Variants in VXN observed in about 807,000 individuals in gnomAD.
The protein encoded by VXN is uncharacterized protein C8orf46.
A neutral mutation model predicts 23.1 loss-of-function variants in VXN; 7 were observed. The observed-to-expected ratio is 0.30, with a 90% confidence interval of 0.17 to 0.57. The LOEUF is 0.57. Among genes scored for constraint, VXN ranks in the 20% least tolerant of loss-of-function variants. VXN has a pLI of 0.91. For missense variants in VXN, 238 were observed against 272.6 expected (o/e 0.87, Z 0.89); for synonymous variants, 120 against 105.8 (o/e 1.13, Z -0.83).
chr8:66,513,872 G>C (rs796637625), intron 5 of VXN: 3 of 481,252 alleles, frequency 6.2e-6, no homozygotes, highest in Non-Finnish European at 1.1e-5. Flanking sequence ...CTTCATTAAC[G>C]CCACTCTTTA....
intron 5 of VXN, chr8:66,514,292 A>G (rs1171778776): frequency 6.6e-6 from 1 of 152,246 alleles, no homozygotes; most frequent in Non-Finnish European, 1.5e-5. Flanking sequence ...TCTGCTTTCT[A>G]GCCTGGAACT....
At chr8:66,499,486 G>A (rs1433249873) in intron 2 of VXN, among the ~76,000 whole-genome samples, 1 of 151,996 alleles carries the variant, frequency 6.6e-6, no homozygotes, top group African/African-American at 2.4e-5. Context: ...ACCTGCCTCT[G>A]CCTCCTCCCA....
chr8:66,513,583 C>T lies in VXN; in HGVS notation c.386C>T (p.Ala129Val). The T allele has an allele frequency of 1.9e-6, 3 of 1,614,160 alleles. No individual in the cohort carries two copies. The highest frequency in any genetic ancestry group is 2.5e-6 in the Non-Finnish European group (3 of 1,180,018). The change falls in exon 5 of 6, where the codon GCC becomes GTC. Residue 129 changes from alanine (A) to valine (V), a missense_variant. This residue lies in a region of VXN where 223 missense variants were observed against 236.9 expected (regional missense o/e 0.94). Coordinates refer to ENST00000305454, the MANE Select transcript of VXN (RefSeq NM_152765.4). The stretch of plus-strand genomic sequence containing the variant: ...ATCTCAGTGAAAACTTCAGCCTCTG[C>T]CTCATTGGAGGCGACAGCCATGGGC... ...PRISVKTSASASLEATAMGTE... is the reference protein window; with the variant it reads ...PRISVKTSASVSLEATAMGTE...
intron 5 of VXN, chr8:66,513,853 T>C (rs561105710): frequency 3.6e-4 from 184 of 508,744 alleles, no homozygotes; most frequent in African/African-American, 3.3e-3. Context: ...GGGTTTTTCA[T>C]GGTTTCCACT....
intron 2 of VXN, among the ~76,000 whole-genome samples, chr8:66,499,288 AGTGGC>A (rs1807663155): frequency 7.3e-6 from 1 of 137,652 alleles, no homozygotes; most frequent in African/African-American, 2.8e-5. Context: ...ACTGGAGTGC[AGTGGC>A]GTGGTCTCGG....
intron 4 of VXN, among the ~76,000 whole-genome samples, chr8:66,512,311 G>A (rs930957461): frequency 3.9e-5 from 6 of 152,178 alleles, no homozygotes. Context: ...GGGGGTGCAA[G>A]TGTTCACCGG....
Position 66,516,071 on chromosome 8 carries a change from G to A in VXN, c.619G>A (p.Asp207Asn), listed in dbSNP as rs758750642. 7.5e-6 allele frequency: 12 copies of A among 1,604,376 alleles called. No individual in the cohort carries two copies. Among genetic ancestry groups the A allele is most frequent in the South Asian group, 3.3e-5 (3 of 90,208 alleles). ...VGATNSAFEA[D>N] ...AGCCACCAACAGCGCCTTTGAGGCC[G>A]ACTAAAGGTGACCCTCTTCAAGTGC... The change falls in exon 6 of 6, where the codon GAC (aspartate) becomes AAC (asparagine). Residue 207 changes from aspartate to asparagine, a missense_variant. Physicochemically the swap from Asp to Asn is conservative, Grantham distance 23. Around this residue, in one of 2 missense-constraint regions of VXN, gnomAD observed 223 missense variants for 236.9 expected, o/e 0.94. Coordinates refer to ENST00000305454, the MANE Select transcript of VXN (RefSeq NM_152765.4).
Position 66,515,897 on chromosome 8 carries a change from AG to A in VXN, c.446del (p.Arg149AsnfsTer6). 1 of 1,593,024 alleles carries A rather than the reference AG, an allele frequency of 6.3e-7. No homozygotes were observed. Among genetic ancestry groups the A allele is most frequent in the Non-Finnish European group, 8.5e-7 (1 of 1,170,372 alleles). On this transcript the variant is annotated frameshift_variant, in exon 6 of 6. Transcript: ENST00000305454. LOFTEE classifies it high-confidence loss of function. Reference protein sequence around the residue: ...EKGAVLMRGSRHLKKMTEEYP... With the variant: ...EKGAVLMRGSXHLKKMTEEYP... ...CCACTCCTGGCTTTTCTTTAGATCCAGACATCTCAAGAAGATGACTGAAGAG... is the reference window on the plus strand; with the variant it reads ...CCACTCCTGGCTTTTCTTTAGATCCAACATCTCAAGAAGATGACTGAAGAG...
Position 66,505,495 on chromosome 8 carries a change from A to G in VXN, c.247A>G (p.Thr83Ala), listed in dbSNP as rs1161891537. Residue 83 changes from threonine (T) to alanine (A), a missense_variant, in exon 3 of 6, where the codon ACA (threonine) becomes GCA (alanine). By Grantham distance (58) the Thr-to-Ala change is moderately conservative (BLOSUM62 0). Transcript: ENST00000305454. ...FGRLQTARPPTAHPAKASARP... is the reference protein window; with the variant it reads ...FGRLQTARPPAAHPAKASARP... ...GCGGCTCCAGACCGCGCGGCCGCCC[A>G]CAGCCCACCCGGCCAAAGCCTCTGC... The G allele has an allele frequency of 2.0e-5, 31 of 1,557,186 alleles. No homozygotes were observed. The highest frequency in any genetic ancestry group is 2.6e-5 in the Non-Finnish European group (30 of 1,153,678).
intron 3 of VXN, among the ~76,000 whole-genome samples, chr8:66,506,545 T>A (rs1184707191): frequency 6.6e-6 from 1 of 152,088 alleles, no homozygotes; most frequent in African/African-American, 2.4e-5. Context: ...AACCTAAAGT[T>A]ATTCATATTT....
chr8:66,497,406 G>A (rs1807638731), intron 2 of VXN, among the ~76,000 whole-genome samples: 2 of 152,156 alleles, frequency 1.3e-5, no homozygotes, highest in Admixed American at 1.3e-4. Context: ...TGAACAATTT[G>A]GGGGCTTCCA....
rs751448023 is a variant in VXN at position 66,510,103 on chromosome 8, T to G, written c.288T>G (p.Ile96Met). ...CTCTGTTCAACATTGCAGTGGGGATTTCTGAACCCAAAACATCAAATCTGT... is the reference window on the plus strand; with the variant it reads ...CTCTGTTCAACATTGCAGTGGGGATGTCTGAACCCAAAACATCAAATCTGT... The part of the protein sequence containing the change: ...PAKASARPVG[I>M]SEPKTSNLCG... Residue 96 changes from isoleucine (I) to methionine (M), a missense_variant, in exon 4 of 6, where the codon ATT becomes ATG. By Grantham distance (10) the Ile-to-Met change is conservative. Around this residue, in one of 2 missense-constraint regions of VXN, gnomAD observed 223 missense variants for 236.9 expected, o/e 0.94. Coordinates refer to ENST00000305454, the MANE Select transcript of VXN (RefSeq NM_152765.4). 186 of 1,613,846 alleles carry G rather than the reference T, an allele frequency of 1.2e-4. No homozygotes were observed. The highest frequency in any genetic ancestry group is 1.5e-4 in the Non-Finnish European group (178 of 1,179,896).
At chr8:66,504,083 A>G (rs1453800172) in intron 2 of VXN, among the ~76,000 whole-genome samples, 1 of 151,802 alleles carries the variant, frequency 6.6e-6, no homozygotes, top group Non-Finnish European at 1.5e-5. Flanking sequence ...TCCTACATCC[A>G]TCTGGCTGCT....
At chr8:66,496,376 T>C (rs983614257) in intron 1 of VXN, 61 bp from the exon 2 acceptor site, 3 of 1,495,802 alleles carry the variant, frequency 2.0e-6, no homozygotes, top group African/African-American at 2.8e-5. Context: ...GTGTTGTTAC[T>C]GTAGCTATGT....
chr8:66,505,533 G>A lies in VXN; in HGVS notation c.280+5G>A, dbSNP rs371633395. ...CCAAAGCCTCTGCCAGACCCGGTAC[G>A]TGAGTCCCGGCCCCAGCTCCCCGCA... On this transcript the variant is annotated splice_donor_5th_base_variant and intron_variant, in intron 3 of 5. Transcript: ENST00000305454. The A allele has an allele frequency of 3.1e-5, 46 of 1,491,058 alleles. No individual in the cohort carries two copies. Among genetic ancestry groups the A allele is most frequent in the Non-Finnish European group, 3.7e-5 (42 of 1,124,562 alleles). 92.4% of individuals were successfully genotyped at this position (1,491,058 alleles called of 1,614,324 possible). A position where few individuals can be genotyped will look rare whatever the true frequency, so the allele number is the denominator to read the frequency against.
rs146026318 is a variant in VXN, at chr8:66,502,391, C to T, written c.127-2984C>T. The stretch of plus-strand genomic sequence containing the variant: ...GATGGATAAATGAGATTGCAAAGGT[C>T]ACATTCTTCTCAGATTTCAAGCTTG... On this transcript the variant is annotated intron_variant, in intron 2 of 5. Transcript: ENST00000305454. 1.3e-4 allele frequency among the ~76,000 whole-genome samples: 20 copies of T among 152,296 alleles called. No individual in the cohort carries two copies. In the East Asian group the frequency reaches 3.9e-3, roughly 29 times the overall value.
chr8:66,501,449 A>G (rs901648995), intron 2 of VXN: 12 of 152,170 alleles, frequency 7.9e-5, no homozygotes, highest in Non-Finnish European at 1.3e-4. Context: ...TAGAAGGAAA[A>G]TGCTCCCAAC....
At chr8:66,498,666 G>A (rs765250132) in intron 2 of VXN, among the ~76,000 whole-genome samples, 82 of 152,304 alleles carry the variant, frequency 5.4e-4, no homozygotes, top group Middle Eastern at 6.8e-3. Context: ...CGACTAACAG[G>A]TGGGGGTTGT....
At chr8:66,509,143 T>C (rs973355819) in intron 3 of VXN, among the ~76,000 whole-genome samples, 6 of 152,244 alleles carry the variant, frequency 3.9e-5, no homozygotes, top group African/African-American at 1.4e-4. Flanking sequence ...TAGTTTAATC[T>C]TGGTAGTCTT....
Sources: allele counts gnomAD v4.1 joint callset (sites outside exome capture counted in the v4.1 genomes callset), GRCh38; gene constraint gnomAD v4.1.1; regional missense constraint gnomAD v4.1.1; transcripts MANE v1.5; gene names NCBI Gene and HGNC (gene_info 2026-07-23, HGNC 2026-07-21).